Variants in DRC4 observed in about 807,000 individuals in gnomAD.
DRC4 encodes GAS-11.
chr16:90,038,561 C>G, the DRC4 span, among the ~76,000 whole-genome samples: 4 of 152,172 alleles, frequency 2.6e-5, no homozygotes, highest in Non-Finnish European at 4.4e-5. Context: ...CTTAGGAAAG[C>G]CAGTTCCTAG....
At chr16:90,040,384 G>C in the DRC4 span, 3 of 1,611,430 alleles carry the variant, frequency 1.9e-6, no homozygotes, top group Non-Finnish European at 2.5e-6. Flanking sequence ...CAAGAACCTC[G>C]TGCTAGAACG....
the DRC4 span, among the ~76,000 whole-genome samples, chr16:90,020,429 T>G: frequency 6.6e-6 from 1 of 152,106 alleles, no homozygotes; most frequent in Non-Finnish European, 1.5e-5. Context: ...TGGTGGATAG[T>G]GGGTGGCAGG....
At chr16:90,029,073 G>T in the DRC4 span, 2 of 1,306,186 alleles carry the variant, frequency 1.5e-6, no homozygotes, top group African/African-American at 3.0e-5. Context: ...GTGAGCTGCT[G>T]CCCGTCTCCC....
the DRC4 span, among the ~76,000 whole-genome samples, chr16:90,039,432 C>A: frequency 6.6e-6 from 1 of 151,986 alleles, no homozygotes; most frequent in Non-Finnish European, 1.5e-5. Flanking sequence ...GTTGCCCAGG[C>A]TGGAGTACAA....
chr16:90,024,548 C>T, the DRC4 span, among the ~76,000 whole-genome samples: 74 of 152,166 alleles, frequency 4.9e-4, no homozygotes, highest in African/African-American at 1.7e-3. Context: ...ACCTTGCAGC[C>T]GCACAGCTAC....
At chr16:90,023,591 G>GTTGCCAGCCTGGCAACACGTCTCTTAA in the DRC4 span, among the ~76,000 whole-genome samples, 14 of 151,586 alleles carry the variant, frequency 9.2e-5, no homozygotes, top group South Asian at 2.1e-4. Flanking sequence ...AGCCTTCTTG[G>GTTGCCAGCCTGGCAACACGTCTCTTAA]AGTGGAGGGA....
chr16:90,031,196 T>C, the DRC4 span: 1 of 1,562,048 alleles, frequency 6.4e-7, no homozygotes, highest in East Asian at 2.3e-5. Flanking sequence ...TTAGGTGAAG[T>C]TGAGTCCTCC....
chr16:90,037,526 C>T, the DRC4 span: 5 of 1,139,786 alleles, frequency 4.4e-6, no homozygotes, highest in South Asian at 6.3e-5. Context: ...TGCATTTCTC[C>T]TTTCTCTGCC....
the DRC4 span, among the ~76,000 whole-genome samples, chr16:90,033,630 C>T: frequency 1.3e-5 from 2 of 152,184 alleles, no homozygotes; most frequent in African/African-American, 4.8e-5. Context: ...TGTGCCACTG[C>T]ATTCCAGCCT....
chr16:90,035,294 C>T, the DRC4 span, among the ~76,000 whole-genome samples: 5 of 152,262 alleles, frequency 3.3e-5, no homozygotes, highest in African/African-American at 9.6e-5. Context: ...TGGCCTCCAG[C>T]GTGCTGGGAT....
chr16:90,039,379 T>C, the DRC4 span, among the ~76,000 whole-genome samples: 1 of 151,310 alleles, frequency 6.6e-6, no homozygotes, highest in Non-Finnish European at 1.5e-5. Context: ...ATTTATTTAT[T>C]TATTTATTTA....
the DRC4 span, among the ~76,000 whole-genome samples, chr16:90,026,574 C>T: frequency 6.6e-6 from 1 of 152,210 alleles, no homozygotes; most frequent in South Asian, 2.1e-4. Context: ...ATGTTGCCGC[C>T]AGCATGGTAA....
the DRC4 span, chr16:90,039,956 C>A: frequency 0.32 from 107,272 of 339,304 alleles, 19,403 homozygotes; most frequent in Non-Finnish European, 0.39. Context: ...CTCACCTGAG[C>A]CCACAGCCCT....
chr16:90,036,524 G>A, the DRC4 span: 64 of 1,611,202 alleles, frequency 4.0e-5, no homozygotes, highest in African/African-American at 9.3e-5. Context: ...GGCCTTCACC[G>A]ACATTAAGAA....
the DRC4 span, chr16:90,032,643 A>C: frequency 9.7e-5 from 135 of 1,390,634 alleles, 1 homozygote; most frequent in Admixed American, 1.4e-4. Context: ...GCTATGGGTG[A>C]CCAGGTGTGC....
chr16:90,035,923 A>T, the DRC4 span: 1 of 1,432,590 alleles, frequency 7.0e-7, no homozygotes. Flanking sequence ...TCCCACTCCT[A>T]GCTAAAATCA....
At chr16:90,040,279 C>A in the DRC4 span, 2 of 1,557,586 alleles carry the variant, frequency 1.3e-6, no homozygotes, top group Admixed American at 3.9e-5. Flanking sequence ...TCATCGCCCA[C>A]CCCCAGCGCT....
chr16:90,023,801 G>A, the DRC4 span, among the ~76,000 whole-genome samples: 8 of 150,630 alleles, frequency 5.3e-5, no homozygotes, highest in Admixed American at 2.0e-4. Context: ...AGACCATCCT[G>A]GCCAACATGG....
At chr16:90,019,732 C>A in the DRC4 span, 1 of 654,410 alleles carries the variant, frequency 1.5e-6, no homozygotes. The surrounding 1 kb of genome is among the most constrained non-coding windows in gnomAD (Gnocchi z 6.1). Flanking sequence ...ACTCACTTGG[C>A]GGCCGCGCCC....
Sources: gnomAD v4.1 joint callset for allele counts (sites outside exome capture counted in the v4.1 genomes callset) on GRCh38, gnomAD v4.1.1 for gene constraint, Gnocchi (gnomAD v3.1) non-coding constraint, MANE v1.5 for transcripts, NCBI Gene and HGNC (gene_info 2026-07-23, HGNC 2026-07-21) for gene names.